The following NTRK2 variants were observed in gnomAD, a reference collection of about 807,000 sequenced individuals.
NTRK2 encodes the protein BDNF/NT-3 growth factors receptor.
A neutral mutation model predicts 94.5 loss-of-function variants in NTRK2; 13 were observed. The ratio of observed to expected loss-of-function variants is 0.14; its 90% confidence interval spans 0.09 to 0.22. NTRK2 has a LOEUF of 0.22. Among genes scored for constraint, NTRK2 ranks in the 10% least tolerant of loss-of-function variants. The probability of loss-of-function intolerance (pLI) is 1.00; values close to 1 mark genes in which losing one functional copy is unlikely to be tolerated. For synonymous variants in NTRK2, 372 were observed against 407.4 expected (o/e 0.91, Z 1.05); for missense variants, 639 against 1,071.2 (o/e 0.60, Z 5.63).
At chr9:84,888,935 T>C (rs2076504710) in intron 14 of NTRK2, among the ~76,000 whole-genome samples, 1 of 150,860 alleles carries the variant, frequency 6.6e-6, no homozygotes, top group African/African-American at 2.4e-5. Flanking sequence ...CATTTTTGGC[T>C]AATTGCCTCA....
chr9:84,963,047 A>G (rs1825141308), intron 17 of NTRK2, among the ~76,000 whole-genome samples: 1 of 152,170 alleles, frequency 6.6e-6, no homozygotes, highest in Non-Finnish European at 1.5e-5. Context: ...CTGGAGATGT[A>G]CTTGGTCTTT....
intron 17 of NTRK2, among the ~76,000 whole-genome samples, chr9:84,994,615 A>C (rs574798707): frequency 1.3e-5 from 2 of 152,196 alleles, no homozygotes; most frequent in African/African-American, 4.8e-5. Flanking sequence ...TTAGCATCTC[A>C]TATCCTCCAT....
chr9:84,807,790 G>A (rs1040275942), intron 12 of NTRK2, among the ~76,000 whole-genome samples: 2 of 152,104 alleles, frequency 1.3e-5, no homozygotes, highest in East Asian at 1.9e-4. Context: ...TAGGTAAATC[G>A]TGGCCTGGAT....
intron 17 of NTRK2, among the ~76,000 whole-genome samples, chr9:84,978,889 A>G (rs1217184020): frequency 2.0e-5 from 3 of 152,230 alleles, no homozygotes; most frequent in African/African-American, 4.8e-5. Flanking sequence ...CATGCTCTAT[A>G]AATGGAACAA....
chr9:84,755,525 CTTTTTTTTTTTTTTTT>C (rs745611460), intron 12 of NTRK2, among the ~76,000 whole-genome samples: 5 of 60,644 alleles, frequency 8.2e-5, no homozygotes, highest in African/African-American at 1.4e-4. Flanking sequence ...AGTCCCACCT[CTTTTTTTTTTTTTTTT>C]TTTTTTTTTT....
At chr9:84,938,844 A>G (rs994066753) in intron 15 of NTRK2, among the ~76,000 whole-genome samples, 2 of 152,228 alleles carry the variant, frequency 1.3e-5, no homozygotes, top group East Asian at 3.9e-4. Flanking sequence ...TGAGCTCAGG[A>G]GTTCAAGACC....
Position 84,710,645 on chromosome 9 carries a change from T to C in NTRK2, c.437T>C (p.Val146Ala), listed in dbSNP as rs1203098513. 2.5e-6 allele frequency: 4 copies of C among 1,614,022 alleles called. No individual in the cohort carries two copies. The African/African-American group carries it at 5.3e-5, about 22-fold the overall frequency. ...RHLDLSELILVGNPFTCSCDI... is the reference protein window; with the variant it reads ...RHLDLSELILAGNPFTCSCDI... ...ATTTTTGTTCCCTGTAGGATCCTGGTGGGCAATCCATTTACATGCTCCTGT... is the reference window on the plus strand; with the variant it reads ...ATTTTTGTTCCCTGTAGGATCCTGGCGGGCAATCCATTTACATGCTCCTGT... The change falls in exon 6 of 19, where the codon GTG becomes GCG. Residue 146 changes from valine (V) to alanine (A), a missense_variant. By Grantham distance (64) the Val-to-Ala change is moderately conservative (BLOSUM62 0). Coordinates refer to ENST00000277120, the MANE Select transcript of NTRK2 (RefSeq NM_006180.6).
chr9:85,022,570 T>A lies in NTRK2; in HGVS notation c.*1133T>A, dbSNP rs200095927. On this transcript the variant is annotated 3_prime_UTR_variant, in exon 19 of 19. Transcript: ENST00000277120. ...TTACAATGAACTTTTCAGATCTCACTTCCCTCCGACCCCTAACTTCCATGC... is the reference window on the plus strand; with the variant it reads ...TTACAATGAACTTTTCAGATCTCACATCCCTCCGACCCCTAACTTCCATGC... 4.3e-6 allele frequency: 1 copy of A among 233,104 alleles called. No homozygotes were observed. Among genetic ancestry groups the A allele is most frequent in the Non-Finnish European group, 8.5e-6 (1 of 118,030 alleles). The allele number at this position is 233,104 out of a possible 1,614,324, so 14.4% of individuals were successfully genotyped here. A position where few individuals can be genotyped will look rare whatever the true frequency, so the allele number is the denominator to read the frequency against.
intron 2 of NTRK2, among the ~76,000 whole-genome samples, chr9:84,674,924 G>GA (rs2058939023): frequency 1.3e-5 from 2 of 152,122 alleles, no homozygotes; most frequent in South Asian, 4.1e-4. Flanking sequence ...AAATGGGTTT[G>GA]ATTTTTTTCT....
At chr9:84,669,134 A>G (rs1405441102), upstream of NTRK2, among the ~76,000 whole-genome samples, 1 of 152,160 alleles carries the variant, frequency 6.6e-6, no homozygotes, top group Admixed American at 6.5e-5. The surrounding 1 kb of genome is among the most constrained non-coding windows in gnomAD (Gnocchi z 4.1). Context: ...GTGGCCCGGA[A>G]TGGGGGCGGT....
intron 12 of NTRK2, among the ~76,000 whole-genome samples, chr9:84,831,057 A>G (rs925410623): frequency 6.6e-6 from 1 of 152,202 alleles, no homozygotes; most frequent in Admixed American, 6.5e-5. Flanking sequence ...GTAATATTCT[A>G]TCCTTTGAAT....
chr9:84,858,373 A>G (rs1011026825), intron 12 of NTRK2, among the ~76,000 whole-genome samples: 1 of 150,432 alleles, frequency 6.6e-6, no homozygotes, highest in African/African-American at 2.5e-5. Flanking sequence ...TAACTGTGCG[A>G]TTTTCACTAT....
chr9:84,920,396 T>C lies in NTRK2; in HGVS notation c.1634-13766T>C, dbSNP rs529204062. Among the ~76,000 whole-genome samples, 191 of 152,270 alleles carry C rather than the reference T, an allele frequency of 1.3e-3. 1 individual carries two copies. The South Asian group carries it at 0.016, about 12-fold the overall frequency. On this transcript the variant is annotated intron_variant, in intron 14 of 18. Coordinates refer to ENST00000277120, the MANE Select transcript of NTRK2 (RefSeq NM_006180.6). ...GGGCGAGACTGAGACCTGTCTCTTT[T>C]TGGCCTAAGGATAAATAACAGGCTA...
chr9:84,826,873 A>G (rs924349081), intron 12 of NTRK2, among the ~76,000 whole-genome samples: 1 of 152,230 alleles, frequency 6.6e-6, no homozygotes, highest in Non-Finnish European at 1.5e-5. Context: ...TTTTAGTCAT[A>G]AAAACACTTT....
chr9:84,753,994 G>T (rs1564194123), intron 12 of NTRK2, among the ~76,000 whole-genome samples: 1 of 152,112 alleles, frequency 6.6e-6, no homozygotes, highest in Non-Finnish European at 1.5e-5. Flanking sequence ...TTACAATGTG[G>T]CAATGGAGGA....
intron 12 of NTRK2, among the ~76,000 whole-genome samples, chr9:84,782,037 A>AAC (rs58851217): frequency 0.076 from 11,369 of 149,558 alleles, 459 homozygotes; most frequent in Admixed American, 0.13. Flanking sequence ...CCTCCAAGAA[A>AAC]ACACACACAC....
chr9:84,976,192 A>C (rs1407955499), intron 17 of NTRK2, among the ~76,000 whole-genome samples: 3 of 152,174 alleles, frequency 2.0e-5, no homozygotes, highest in Non-Finnish European at 4.4e-5. Flanking sequence ...ACACCCCTGG[A>C]GGCTAGAAGT....
chr9:84,929,671 C>T (rs2077954639), intron 14 of NTRK2, among the ~76,000 whole-genome samples: 1 of 152,004 alleles, frequency 6.6e-6, no homozygotes, highest in Non-Finnish European at 1.5e-5. Context: ...AAACAATTCT[C>T]CTGCCTCAGT....
intron 12 of NTRK2, among the ~76,000 whole-genome samples, chr9:84,782,560 C>G (rs1197482049): frequency 6.6e-6 from 1 of 152,172 alleles, no homozygotes; most frequent in Non-Finnish European, 1.5e-5. Context: ...AACAAATAAT[C>G]AAGAGCCATC....
Sources: gnomAD v4.1 joint callset for allele counts (sites outside exome capture counted in the v4.1 genomes callset) on GRCh38, gnomAD v4.1.1 for gene constraint, Gnocchi (gnomAD v3.1) non-coding constraint, MANE v1.5 for transcripts, NCBI Gene and HGNC (gene_info 2026-07-23, HGNC 2026-07-21) for gene names.